Variants in CYB5B observed in about 807,000 individuals in gnomAD.
CYB5B encodes cytochrome b5 type B, also known as cytochrome b5 type B (outer mitochondrial membrane).
In CYB5B, 14 loss-of-function variants were observed where a neutral mutation model predicts 21.3. The ratio of observed to expected loss-of-function variants is 0.66; its 90% CI spans 0.43 to 1.03. The LOEUF is 1.03. Ranked by LOEUF, CYB5B falls within the 50% of genes least tolerant of loss-of-function variation. The pLI is 0.00. For missense variants in CYB5B, 166 were observed against 185.1 expected, an observed-to-expected ratio of 0.90 and a Z score of 0.60; for synonymous variants, 69 against 68.4, an observed-to-expected ratio of 1.01 and a Z score of -0.04.
rs865983573 is a variant in CYB5B, at chr16:69,424,712, C to T, written c.29C>T (p.Ala10Val). Residue 10 changes from alanine to valine, a missense_variant, in exon 1 of 5, where the codon GCT becomes GTT. Transcript: ENST00000307892. The stretch of plus-strand genomic sequence containing the variant: ...TCCGGTTCAATGGCGACTGCGGAAG[C>T]TAGCGGCAGCGATGGGAAAGGGCAG... MSGSMATAE[A>V]SGSDGKGQEV... 1.3e-6 allele frequency: 2 copies of T among 1,592,134 alleles called. No individual in the cohort carries two copies. Among genetic ancestry groups the T allele is most frequent in the Middle Eastern group, 3.3e-4 (2 of 5,990 alleles).
chr16:69,432,655 C>CT (rs2014717984), intron 1 of CYB5B, among the ~76,000 whole-genome samples: 2 of 152,102 alleles, frequency 1.3e-5, no homozygotes, highest in Non-Finnish European at 2.9e-5. Flanking sequence ...ATTCTAAGTG[C>CT]TTTACATGTA....
rs567347570 is a variant in CYB5B, at chr16:69,462,740, A to G, written c.*220A>G. 2.0e-4 allele frequency: 101 copies of G among 503,130 alleles called. No individual in the cohort carries two copies. The South Asian group carries it at 2.3e-3, about 12-fold the overall frequency. The allele number at this position is 503,130 out of a possible 1,614,324, so 31.2% of individuals were successfully genotyped here. A position where few individuals can be genotyped will look rare whatever the true frequency, so the allele number is the denominator to read the frequency against. The stretch of plus-strand genomic sequence containing the variant: ...ACCTGCTCACTGTTCCGTGTTGAAC[A>G]ATTGCCGGTGTTTCCTCTCTTCACT... On this transcript the variant is annotated 3_prime_UTR_variant, in exon 5 of 5. Transcript: ENST00000307892.
chr16:69,447,061 G>C, intron 1 of CYB5B, 89 bp from the exon 2 acceptor site: 4 of 1,445,166 alleles, frequency 2.8e-6, no homozygotes, highest in Non-Finnish European at 3.8e-6. Context: ...TTCTATTAAA[G>C]GGAGAAAGGA....
intron 1 of CYB5B, among the ~76,000 whole-genome samples, chr16:69,442,092 A>G (rs975656833): frequency 5.3e-5 from 8 of 152,290 alleles, no homozygotes; most frequent in African/African-American, 1.9e-4. Context: ...TTTTGTAAAG[A>G]AAGTTATAAA....
chr16:69,462,186 G>C (rs2015041275), intron 4 of CYB5B, among the ~76,000 whole-genome samples: 1 of 152,084 alleles, frequency 6.6e-6, no homozygotes, highest in Admixed American at 6.5e-5. Context: ...CACATATAGA[G>C]GCATTTAAAG....
chr16:69,452,997 C>A (rs1176940402), intron 3 of CYB5B, among the ~76,000 whole-genome samples: 170 of 133,128 alleles, frequency 1.3e-3, no homozygotes, highest in Non-Finnish European at 1.3e-3. Flanking sequence ...GACTCTGTCT[C>A]AAAAAAAAAA....
intron 1 of CYB5B, among the ~76,000 whole-genome samples, chr16:69,438,487 C>T (rs1241931068): frequency 3.3e-5 from 5 of 151,888 alleles, no homozygotes; most frequent in African/African-American, 1.2e-4. Flanking sequence ...CCCACAGCAG[C>T]TGCACTATTT....
intron 4 of CYB5B, chr16:69,459,507 G>A (rs563648228): frequency 4.1e-5 from 7 of 168,816 alleles, no homozygotes; most frequent in Non-Finnish European, 7.5e-5. Flanking sequence ...ACTCTGTAAG[G>A]TAAGTGCTAT....
At chr16:69,454,045 G>A (rs1274084775) in intron 3 of CYB5B, among the ~76,000 whole-genome samples, 3 of 152,168 alleles carry the variant, frequency 2.0e-5, no homozygotes, top group Non-Finnish European at 2.9e-5. Flanking sequence ...GCAAAACAGG[G>A]TTCAGAAGGG....
In CYB5B at chr16:69,463,300, G is replaced by A. The variant is rs12149862; in HGVS notation, c.*780G>A. ...GCCCAGCCCCTTCCCAAGTGGTGCC[G>A]GACAAAAAACTACATGGCCCTTTCG... On this transcript the variant is annotated 3_prime_UTR_variant, in exon 5 of 5. Coordinates refer to ENST00000307892, the MANE Select transcript of CYB5B (RefSeq NM_030579.3). 25,673 of 151,866 alleles carry A rather than the reference G, an allele frequency of 0.17. 2,307 individuals are homozygous for A. The highest frequency in any genetic ancestry group is 0.25 in the Middle Eastern group (73 of 294). The allele number at this position is 151,866 out of a possible 1,614,324, so 9.4% of individuals were successfully genotyped here. A position where few individuals can be genotyped will look rare whatever the true frequency, so the allele number is the denominator to read the frequency against.
intron 1 of CYB5B, among the ~76,000 whole-genome samples, chr16:69,438,305 A>G (rs2014781961): frequency 6.6e-6 from 1 of 152,160 alleles, no homozygotes; most frequent in Non-Finnish European, 1.5e-5. Flanking sequence ...TCATCTGTTT[A>G]TAGGCATGGG....
chr16:69,439,501 G>A (rs2014797715), intron 1 of CYB5B, among the ~76,000 whole-genome samples: 3 of 150,510 alleles, frequency 2.0e-5, no homozygotes, highest in East Asian at 2.0e-4. Context: ...GAGCCACCAC[G>A]CCCGGCCTGT....
rs561920870 is a variant in CYB5B at position 69,439,690 on chromosome 16, C to T, written c.175-7460C>T. Among the ~76,000 whole-genome samples the T allele has an allele frequency of 1.4e-4, 21 of 152,164 alleles. 1 individual carries two copies. Among genetic ancestry groups the T allele is most frequent in the Admixed American group, 1.4e-3 (21 of 15,274 alleles). On this transcript the variant is annotated intron_variant, in intron 1 of 4. Transcript: ENST00000307892. ...CAAGTGATTTTCCTGCCTCAGCCTC[C>T]TGAGTAGCTGGAATTATAGGAGCGG...
Position 69,424,660 on chromosome 16 carries a change from C to G in CYB5B, c.-24C>G. 6.6e-7 allele frequency: 1 copy of G among 1,506,450 alleles called. No homozygotes were observed. The highest frequency in any genetic ancestry group is 8.9e-7 in the Non-Finnish European group (1 of 1,123,738). 93.3% of individuals were successfully genotyped at this position (1,506,450 alleles called of 1,614,324 possible). A position where few individuals can be genotyped will look rare whatever the true frequency, so the allele number is the denominator to read the frequency against. On this transcript the variant is annotated 5_prime_UTR_variant, in exon 1 of 5. In the 5' UTR this introduces an upstream ATG that the reference lacks. Coordinates refer to ENST00000307892, the MANE Select transcript of CYB5B (RefSeq NM_030579.3). Reference sequence around the variant, plus strand: ...CTCTCAAGGAAAGTAGTCGCGGAATCTCAGTTAGCGGTGGAGAGGCAGTAT... The same window carrying G: ...CTCTCAAGGAAAGTAGTCGCGGAATGTCAGTTAGCGGTGGAGAGGCAGTAT...
chr16:69,427,285 C>T (rs1001429299), intron 1 of CYB5B, among the ~76,000 whole-genome samples: 1 of 152,104 alleles, frequency 6.6e-6, no homozygotes, highest in Non-Finnish European at 1.5e-5. Flanking sequence ...TTATTTCCCT[C>T]CATTTTTTTT....
At chr16:69,436,240 C>T (rs246146) in intron 1 of CYB5B, among the ~76,000 whole-genome samples, 54,476 of 152,024 alleles carry the variant, frequency 0.36, 10,766 homozygotes, top group Admixed American at 0.46. Context: ...TCTCTGTTCC[C>T]GATGGAGTTT....
intron 3 of CYB5B, among the ~76,000 whole-genome samples, chr16:69,453,890 A>T (rs2014958880): frequency 6.6e-6 from 1 of 152,194 alleles, no homozygotes. Context: ...ATATACACTT[A>T]TATTTTGTAA....
In CYB5B at chr16:69,466,199, T is replaced by C. The variant is rs2015088200; in HGVS notation, c.*3679T>C. 6.6e-6 allele frequency: 1 copy of C among 152,670 alleles called. No homozygotes were observed. The highest frequency in any genetic ancestry group is 6.5e-5 in the Admixed American group (1 of 15,278). 9.5% of individuals were successfully genotyped at this position (152,670 alleles called of 1,614,324 possible). A position where few individuals can be genotyped will look rare whatever the true frequency, so the allele number is the denominator to read the frequency against. ...TTGAACAAAGATCTTTGTCTCTTTC[T>C]GCTGGAATGCGCACACAGTGAACGT... On this transcript the variant is annotated 3_prime_UTR_variant, in exon 5 of 5. Transcript: ENST00000307892.
At chr16:69,456,270 T>C (rs1002966689) in intron 3 of CYB5B, among the ~76,000 whole-genome samples, 90 of 152,230 alleles carry the variant, frequency 5.9e-4, no homozygotes, top group African/African-American at 2.2e-3. Context: ...CTTCCCAGTG[T>C]TGGGATTCAC....
Sources: gnomAD v4.1 joint callset for allele counts (sites outside exome capture counted in the v4.1 genomes callset) on GRCh38, gnomAD v4.1.1 for gene constraint, MANE v1.5 for transcripts, NCBI Gene and HGNC (gene_info 2026-07-23, HGNC 2026-07-21) for gene names.